Variants in PALM2AKAP2 observed in about 807,000 individuals in gnomAD.
PALM2AKAP2 encodes PALM2 and AKAP2 fusion.
A neutral mutation model predicts 71.5 loss-of-function variants in PALM2AKAP2; 37 were observed. The observed-to-expected ratio is 0.52, with a 90% confidence interval of 0.40 to 0.68. The LOEUF is 0.68. Ranked by LOEUF, PALM2AKAP2 falls within the 30% of genes least tolerant of loss-of-function variation. PALM2AKAP2 has a pLI of 0.00. For synonymous variants in PALM2AKAP2, 468 were observed against 478.8 expected (o/e 0.98, Z 0.29); for missense variants, 1,224 against 1,191.8 (o/e 1.03, Z -0.40).
At chr9:110,090,993 T>C (rs751736806) in intron 1 of PALM2AKAP2, among the ~76,000 whole-genome samples, 2 of 151,956 alleles carry the variant, frequency 1.3e-5, no homozygotes, top group Non-Finnish European at 2.9e-5. Context: ...TTGAACATGC[T>C]GACAACATAG....
chr9:109,869,157 A>G lies in PALM2AKAP2; in HGVS notation c.126+1586A>G, dbSNP rs138243226. ...GCTCAACGTAGTTCTTTGCTTTTGT[A>G]TTCCCTGAATCCAGTCAGGGAATAA... On this transcript the variant is annotated intron_variant, in intron 2 of 9. Transcript: ENST00000302798. 1.6e-4 allele frequency among the ~76,000 whole-genome samples: 25 copies of G among 152,308 alleles called. No homozygotes were observed. In the East Asian group the frequency reaches 4.6e-3, roughly 28 times the overall value.
intron 1 of PALM2AKAP2, among the ~76,000 whole-genome samples, chr9:109,742,410 A>G (rs1828729826): frequency 6.6e-6 from 1 of 152,228 alleles, no homozygotes; most frequent in Non-Finnish European, 1.5e-5. Context: ...GCCTGGAACT[A>G]TGAGCCTTAT....
intron 1 of PALM2AKAP2, among the ~76,000 whole-genome samples, chr9:109,722,784 A>G (rs1828425387): frequency 6.6e-6 from 1 of 152,148 alleles, no homozygotes; most frequent in Non-Finnish European, 1.5e-5. Flanking sequence ...AAATAAATAA[A>G]CAAACAAAAA....
intron 1 of PALM2AKAP2, among the ~76,000 whole-genome samples, chr9:109,858,929 G>A (rs531065030): frequency 9.9e-4 from 150 of 152,260 alleles, no homozygotes; most frequent in African/African-American, 3.2e-3. Flanking sequence ...GGGTCACACC[G>A]TGGGCAGACC....
intron 1 of PALM2AKAP2, among the ~76,000 whole-genome samples, chr9:109,665,345 A>G (rs955572949): frequency 2.0e-5 from 3 of 152,146 alleles, no homozygotes; most frequent in Non-Finnish European, 2.9e-5. Context: ...GGTCTTTGAT[A>G]TTGGTGACCT....
intron 1 of PALM2AKAP2, among the ~76,000 whole-genome samples, chr9:110,081,563 T>C (rs1183225096): frequency 1.3e-5 from 2 of 152,164 alleles, no homozygotes; most frequent in East Asian, 3.9e-4. Context: ...CAATGTTCTA[T>C]GAACATGAAT....
intron 6 of PALM2AKAP2, among the ~76,000 whole-genome samples, chr9:109,976,772 T>A (rs1681490098): frequency 6.6e-6 from 1 of 152,216 alleles, no homozygotes; most frequent in Non-Finnish European, 1.5e-5. Context: ...AAATGGGCAC[T>A]ACTCTTATTT....
chr9:109,683,417 G>T (rs1827765674), intron 1 of PALM2AKAP2, among the ~76,000 whole-genome samples: 1 of 152,088 alleles, frequency 6.6e-6, no homozygotes, highest in Non-Finnish European at 1.5e-5. Flanking sequence ...GCAGAGATTG[G>T]AGTTCTCCTG....
At chr9:109,678,508 T>C (rs1334911620) in intron 1 of PALM2AKAP2, among the ~76,000 whole-genome samples, 4 of 152,240 alleles carry the variant, frequency 2.6e-5, no homozygotes, top group African/African-American at 9.6e-5. Flanking sequence ...ATGCTTTATA[T>C]TCAAGGTGAG....
chr9:109,737,795 A>G (rs1451102517), intron 1 of PALM2AKAP2, among the ~76,000 whole-genome samples: 2 of 152,256 alleles, frequency 1.3e-5, no homozygotes, highest in African/African-American at 4.8e-5. Context: ...TCAAAGAACC[A>G]AATTAAAGAA....
intron 6 of PALM2AKAP2, among the ~76,000 whole-genome samples, chr9:110,002,124 C>A (rs1206419099): frequency 6.6e-6 from 1 of 152,124 alleles, no homozygotes. Flanking sequence ...CAGTTTTTGC[C>A]CATTCAGTAT....
chr9:110,004,528 G>T (rs1270646523), intron 6 of PALM2AKAP2, among the ~76,000 whole-genome samples: 2 of 152,134 alleles, frequency 1.3e-5, no homozygotes, highest in African/African-American at 4.8e-5. Flanking sequence ...TCTTCTCGAG[G>T]AGTATCTTTT....
At chr9:109,736,554 C>T (rs1828638333) in intron 1 of PALM2AKAP2, among the ~76,000 whole-genome samples, 1 of 151,740 alleles carries the variant, frequency 6.6e-6, no homozygotes, top group South Asian at 2.1e-4. Context: ...TATTTGACTG[C>T]CATTTTCTTT....
At chr9:110,043,716 GTT>G (rs61128628), upstream of PALM2AKAP2, among the ~76,000 whole-genome samples, 1 of 91,582 alleles carries the variant, frequency 1.1e-5, no homozygotes, top group Non-Finnish European at 2.0e-5. Flanking sequence ...TTTTTTTGGT[GTT>G]TTTTTTTTTT....
intron 1 of PALM2AKAP2, among the ~76,000 whole-genome samples, chr9:109,649,156 G>GT (rs199710095): frequency 4.0e-4 from 58 of 145,566 alleles, no homozygotes; most frequent in Middle Eastern, 3.5e-3. Flanking sequence ...TTGTGTTGTT[G>GT]TTTTTTTTTT....
intron 1 of PALM2AKAP2, among the ~76,000 whole-genome samples, chr9:109,765,151 C>A (rs1291666301): frequency 6.6e-6 from 1 of 152,172 alleles, no homozygotes; most frequent in East Asian, 1.9e-4. Flanking sequence ...TTAGATTTAC[C>A]TGGTCCATAA....
intron 1 of PALM2AKAP2, among the ~76,000 whole-genome samples, chr9:109,843,252 T>C (rs1828755836): frequency 1.5e-5 from 2 of 137,190 alleles, no homozygotes; most frequent in East Asian, 4.2e-4. Context: ...CAGTGAGCTA[T>C]GATGGCACTA....
intron 1 of PALM2AKAP2, among the ~76,000 whole-genome samples, chr9:110,103,637 G>A (rs1441050363): frequency 6.6e-6 from 1 of 152,202 alleles, no homozygotes; most frequent in Non-Finnish European, 1.5e-5. Context: ...GAGTATGGCT[G>A]CTGCTACAAA....
intron 1 of PALM2AKAP2, among the ~76,000 whole-genome samples, chr9:109,746,642 C>T (rs933506493): frequency 6.6e-6 from 1 of 152,110 alleles, no homozygotes; most frequent in African/African-American, 2.4e-5. Context: ...CCAATGATAT[C>T]CCCAGGAGGT....
Sources: gnomAD v4.1 joint callset for allele counts (sites outside exome capture counted in the v4.1 genomes callset) on GRCh38, gnomAD v4.1.1 for gene constraint, MANE v1.5 for transcripts, NCBI Gene and HGNC (gene_info 2026-07-23, HGNC 2026-07-21) for gene names.